The following TEX9 variants were observed in gnomAD, a reference collection of about 807,000 sequenced individuals.
TEX9 encodes the protein testis expressed 9, also known as testis-expressed protein 9.
In TEX9, 74 loss-of-function variants were observed where a neutral mutation model predicts 59.6. The observed-to-expected ratio is 1.24, with a 90% confidence interval of 1.03 to 1.51. The LOEUF (loss-of-function observed/expected upper bound fraction) is 1.51. Among genes scored for constraint, TEX9 ranks in the 40% most tolerant of loss-of-function variants. The probability of loss-of-function intolerance (pLI) is 0.00; values close to 1 mark genes in which losing one functional copy is unlikely to be tolerated. For missense variants in TEX9, 522 were observed against 447.8 expected (o/e 1.17, Z -1.49); for synonymous variants, 186 against 152.2 (o/e 1.22, Z -1.64).
chr15:56,287,981 A>C (rs986517698), intron 1 of TEX9, among the ~76,000 whole-genome samples: 3 of 152,228 alleles, frequency 2.0e-5, no homozygotes, highest in Admixed American at 1.3e-4. Flanking sequence ...CAACATGAAC[A>C]TGAGAGTGCA....
At chr15:56,285,498 C>T (rs1398155238) in intron 1 of TEX9, among the ~76,000 whole-genome samples, 1 of 152,082 alleles carries the variant, frequency 6.6e-6, no homozygotes, top group East Asian at 1.9e-4. Context: ...CTTCTATCTC[C>T]ACCACCCTGT....
chr15:56,444,474 A>AT (rs1434422306), intron 12 of TEX9: 12 of 1,607,540 alleles, frequency 7.5e-6, no homozygotes, highest in African/African-American at 1.3e-5. Context: ...CTTCCTAACA[A>AT]TTTCATCAAT....
At chr15:56,427,903 GAT>G (rs1201600863) in intron 11 of TEX9, among the ~76,000 whole-genome samples, 164 bp downstream of exon 11, 5 of 152,158 alleles carry the variant, frequency 3.3e-5, no homozygotes, top group South Asian at 2.1e-4. Context: ...TTTATAGTGA[GAT>G]ATATGTGTCA....
chr15:56,394,384 T>G (rs754342673), intron 8 of TEX9, 137 bp downstream of exon 8: 2 of 736,428 alleles, frequency 2.7e-6, no homozygotes, highest in Non-Finnish European at 4.3e-6. Context: ...ATATAAGTAC[T>G]GAACTTTATT....
At chr15:56,436,212 C>G (rs567058555) in intron 12 of TEX9, among the ~76,000 whole-genome samples, 15 of 152,242 alleles carry the variant, frequency 9.9e-5, no homozygotes, top group African/African-American at 3.6e-4. Context: ...GGAAGTAAAG[C>G]ACTCCTCAGC....
intron 7 of TEX9, among the ~76,000 whole-genome samples, chr15:56,392,640 A>G (rs2048270367): frequency 7.7e-6 from 1 of 129,902 alleles, no homozygotes; most frequent in Admixed American, 7.9e-5. Flanking sequence ...TATATGTATA[A>G]TAATTATTGT....
chr15:56,255,827 G>T (rs1386156204), intron 1 of TEX9, among the ~76,000 whole-genome samples: 3 of 151,904 alleles, frequency 2.0e-5, no homozygotes, highest in Non-Finnish European at 4.4e-5. Flanking sequence ...GATCAAGTAG[G>T]AAAAAAGTAA....
At chr15:56,397,462 C>T (rs1441318991) in intron 9 of TEX9, 7 of 152,236 alleles carry the variant, frequency 4.6e-5, no homozygotes, top group Non-Finnish European at 8.8e-5. Flanking sequence ...AAATTCAAGC[C>T]GGCTGCAGAA....
chr15:56,294,974 T>C lies in TEX9; in HGVS notation c.-107+50696T>C, dbSNP rs571292671. Among the ~76,000 whole-genome samples, 7 of 152,296 alleles carry C rather than the reference T, an allele frequency of 4.6e-5. No individual in the cohort carries two copies. In the South Asian group the frequency reaches 1.5e-3, roughly 32 times the overall value. On this transcript the variant is annotated intron_variant, in intron 1 of 5. Coordinates refer to the TEX9 transcript ENST00000560827. ...AAAAGGACCAGTTAACATGAGAACA[T>C]CACAGTAGTGAAGGCTGTATGTTTT... is the stretch of plus-strand genomic sequence containing the variant.
chr15:56,330,037 AAAC>A (rs2046108560), intron 1 of TEX9, among the ~76,000 whole-genome samples: 1 of 139,200 alleles, frequency 7.2e-6, no homozygotes, highest in Non-Finnish European at 1.6e-5. Context: ...AAAAGAAAAA[AAAC>A]AAACAAACAT....
At chr15:56,431,272 G>T in intron 12 of TEX9, 2 of 1,388,086 alleles carry the variant, frequency 1.4e-6, no homozygotes. Context: ...TCATAACCGA[G>T]CAAGAAGTGA....
Position 56,289,402 on chromosome 15 carries a change from G to T in TEX9, c.-107+45124G>T, listed in dbSNP as rs537930159. Among the ~76,000 whole-genome samples the T allele has an allele frequency of 2.6e-5, 4 of 152,254 alleles. No homozygotes were observed. In the South Asian group the frequency reaches 6.2e-4, roughly 24 times the overall value. ...GTGGAAAGATCTTCCCCTACAAGAAGGGGGAATATAAAGGCACTTGCTGGG... is the reference window on the plus strand; with the variant it reads ...GTGGAAAGATCTTCCCCTACAAGAATGGGGAATATAAAGGCACTTGCTGGG... On this transcript the variant is annotated intron_variant, in intron 1 of 5. Coordinates refer to the TEX9 transcript ENST00000560827.
chr15:56,339,393 A>AAAAAAAAC (rs1320129830), intron 1 of TEX9, among the ~76,000 whole-genome samples: 6 of 79,674 alleles, frequency 7.5e-5, no homozygotes, highest in African/African-American at 2.0e-4. Flanking sequence ...CAAAAAAAAA[A>AAAAAAAAC]AAAAAAAAAA....
intron 1 of TEX9, among the ~76,000 whole-genome samples, chr15:56,342,656 T>A (rs996924769): frequency 2.6e-5 from 4 of 152,138 alleles, no homozygotes; most frequent in African/African-American, 7.2e-5. Context: ...AGAACTTTTT[T>A]AAAAAGCCTT....
chr15:56,332,320 G>A (rs1383276745), intron 1 of TEX9, among the ~76,000 whole-genome samples: 1 of 151,664 alleles, frequency 6.6e-6, no homozygotes, highest in East Asian at 2.0e-4. Context: ...TCCTTTGTAG[G>A]GACATGGATG....
In TEX9 at chr15:56,357,111, A is replaced by G. The variant is rs961402570; in HGVS notation, c.-106-16330A>G. ...AATCCCTTACTATGTCCCCTACCCT[A>G]TAAATTCAGAAGATAGAAGTTTGTC... is the stretch of plus-strand genomic sequence containing the variant. On this transcript the variant is annotated intron_variant, in intron 1 of 5. Transcript: ENST00000560827. 3.9e-5 allele frequency among the ~76,000 whole-genome samples: 6 copies of G among 152,290 alleles called. No individual in the cohort carries two copies. In the East Asian group the frequency reaches 5.8e-4, roughly 15 times the overall value.
At chr15:56,326,250 G>T (rs1468023001) in intron 1 of TEX9, among the ~76,000 whole-genome samples, 2 of 150,248 alleles carry the variant, frequency 1.3e-5, no homozygotes, top group South Asian at 2.1e-4. Flanking sequence ...TTTTTCTATG[G>T]TTTTTTAAGT....
At chr15:56,415,884 G>A (rs1422252061) in intron 10 of TEX9, among the ~76,000 whole-genome samples, 1 of 151,440 alleles carries the variant, frequency 6.6e-6, no homozygotes, top group Admixed American at 6.6e-5. Flanking sequence ...GTTTTTTCCC[G>A]TTGTGTTTTC....
rs200237788 is a variant in TEX9 at position 56,365,684 on chromosome 15, C to T, written c.119+14C>T. ...GGAAGAATATAAGTAAGAAATTCGG[C>T]GGTTGAACTTTTCCTTCTTTCTTTC... On this transcript the variant is annotated intron_variant, in intron 2 of 12. Transcript: ENST00000352903. The T allele has an allele frequency of 2.0e-4, 326 of 1,613,672 alleles. 1 individual carries two copies. In the African/African-American group the frequency reaches 3.9e-3, roughly 19 times the overall value.
Sources: allele counts gnomAD v4.1 joint callset (sites outside exome capture counted in the v4.1 genomes callset), GRCh38; gene constraint gnomAD v4.1.1; transcripts MANE v1.5; gene names NCBI Gene and HGNC (gene_info 2026-07-23, HGNC 2026-07-21).